ATG3: variants seen among roughly 807,000 people sequenced by gnomAD.
ATG3 encodes the protein ubiquitin-like-conjugating enzyme ATG3.
ATG3 carries 25 observed loss-of-function variants against 50.7 expected under a neutral mutation model. The ratio of observed to expected loss-of-function variants is 0.49; its 90% CI spans 0.36 to 0.69. The LOEUF is 0.69. Ranked by LOEUF, ATG3 falls within the 30% of genes least tolerant of loss-of-function variation. ATG3 has a pLI of 0.00. For synonymous variants in ATG3, 119 were observed against 125.5 expected (o/e 0.95, Z 0.34); for missense variants, 281 against 376.0 (o/e 0.75, Z 2.09).
intron 8 of ATG3, 112 bp from the exon 9 acceptor site, chr3:112,538,002 T>C: frequency 7.9e-7 from 1 of 1,269,442 alleles, no homozygotes; most frequent in Admixed American, 2.7e-5. Context: ...GTAAATGAAC[T>C]TGGAACTCAA....
chr3:112,537,937 A>G (rs937324273), intron 8 of ATG3, 47 bp from the exon 9 acceptor site: 18 of 1,500,574 alleles, frequency 1.2e-5, no homozygotes, highest in Non-Finnish European at 1.6e-5. Flanking sequence ...AATCGGTATG[A>G]ATGTGACATT....
At chr3:112,536,448 AAT>A (rs1468658797) in intron 10 of ATG3, 25 bp downstream of exon 10, 10 of 1,605,680 alleles carry the variant, frequency 6.2e-6, no homozygotes, top group Non-Finnish European at 8.5e-6. Context: ...CACATCAAAA[AAT>A]ATATTTATCT....
At chr3:112,544,002 T>G in intron 6 of ATG3, 55 bp downstream of exon 6, 13 of 1,327,948 alleles carry the variant, frequency 9.8e-6, no homozygotes, top group Non-Finnish European at 1.4e-5. Context: ...TATAGATAGA[T>G]AGATAGGCAA....
At chr3:112,555,089 T>C (rs1323337847) in intron 2 of ATG3, among the ~76,000 whole-genome samples, 5 of 152,096 alleles carry the variant, frequency 3.3e-5, no homozygotes, top group Non-Finnish European at 2.9e-5. Context: ...TAATTAAAAA[T>C]AAAAAATTCT....
intron 4 of ATG3, among the ~76,000 whole-genome samples, chr3:112,548,972 A>G (rs1933450620): frequency 6.6e-6 from 1 of 152,262 alleles, no homozygotes; most frequent in Non-Finnish European, 1.5e-5. Context: ...AGTCTAATGA[A>G]TAATAATACC....
At chr3:112,551,612 C>G (rs1933531789) in intron 3 of ATG3, among the ~76,000 whole-genome samples, 1 of 152,096 alleles carries the variant, frequency 6.6e-6, no homozygotes, top group Non-Finnish European at 1.5e-5. Flanking sequence ...TGCTATAAAT[C>G]AAATACCTAA....
At chr3:112,548,328 G>GC (rs1302973698) in intron 5 of ATG3, among the ~76,000 whole-genome samples, 2 of 152,148 alleles carry the variant, frequency 1.3e-5, no homozygotes, top group African/African-American at 4.8e-5. Flanking sequence ...TGGTGACAGA[G>GC]CAAGACTCTT....
chr3:112,551,378 C>T (rs5000995), intron 3 of ATG3, among the ~76,000 whole-genome samples: 111,769 of 152,152 alleles, frequency 0.73, 45,762 homozygotes, highest in Non-Finnish European at 0.92. Flanking sequence ...CACTTGTGCA[C>T]GTGAAGGCAT....
At chr3:112,533,814 AAC>A in intron 11 of ATG3, 1 of 986,022 alleles carries the variant, frequency 1.0e-6, no homozygotes, top group Non-Finnish European at 1.2e-6. Flanking sequence ...GAGAAAAATG[AAC>A]GTACTATATT....
At chr3:112,532,982 G>T in intron 11 of ATG3, 1 of 1,203,802 alleles carries the variant, frequency 8.3e-7, no homozygotes, top group Non-Finnish European at 1.0e-6. Flanking sequence ...CCACTCATTC[G>T]ATTATTGAAT....
chr3:112,536,757 TAAG>T, intron 9 of ATG3, 155 bp from the exon 10 acceptor site: 1 of 660,324 alleles, frequency 1.5e-6, no homozygotes, highest in South Asian at 2.2e-5. Context: ...CCGTCTCTAC[TAAG>T]AATATAAAAA....
chr3:112,539,074 A>G (rs1251783369), intron 7 of ATG3, among the ~76,000 whole-genome samples: 1 of 152,086 alleles, frequency 6.6e-6, no homozygotes, highest in Non-Finnish European at 1.5e-5. Flanking sequence ...CCAGCATTCT[A>G]CTGTTTCTCA....
At chr3:112,544,571 T>G (rs991534933) in intron 5 of ATG3, among the ~76,000 whole-genome samples, 2 of 142,122 alleles carry the variant, frequency 1.4e-5, no homozygotes, top group Non-Finnish European at 3.0e-5. Flanking sequence ...GGAGAATCGC[T>G]TGGACCCGGA....
At chr3:112,547,178 T>C (rs1472043012) in intron 5 of ATG3, among the ~76,000 whole-genome samples, 2 of 152,216 alleles carry the variant, frequency 1.3e-5, no homozygotes, top group Non-Finnish European at 2.9e-5. Flanking sequence ...AACTGAGGGA[T>C]GCTACTGGTA....
At chr3:112,534,462 T>C in intron 10 of ATG3, 125 bp from the exon 11 acceptor site, 2 of 557,906 alleles carry the variant, frequency 3.6e-6, no homozygotes, top group Admixed American at 4.0e-5. Flanking sequence ...AATAGTTATA[T>C]TATAAACTAT....
chr3:112,555,930 C>A (rs1001739584), intron 2 of ATG3, among the ~76,000 whole-genome samples: 20 of 152,096 alleles, frequency 1.3e-4, no homozygotes, highest in Admixed American at 2.6e-4. Context: ...ATCCAATGAC[C>A]ACAGACTTTG....
At chr3:112,536,357 T>C (rs1373858996) in intron 10 of ATG3, 118 bp downstream of exon 10, 2 of 1,251,258 alleles carry the variant, frequency 1.6e-6, no homozygotes, top group African/African-American at 3.1e-5. Flanking sequence ...GAGAGAATTT[T>C]ACTTTTTAGT....
At chr3:112,533,557 A>G (rs2082571114) in intron 11 of ATG3, 1 of 985,230 alleles carries the variant, frequency 1.0e-6, no homozygotes. Flanking sequence ...TAGTCTCCAC[A>G]TCTAATCTAA....
intron 5 of ATG3, among the ~76,000 whole-genome samples, 189 bp downstream of exon 5, chr3:112,548,344 A>T (rs1933427653): frequency 6.6e-6 from 1 of 152,164 alleles, no homozygotes; most frequent in Non-Finnish European, 1.5e-5. Context: ...CTCTTGTCTC[A>T]AAAAAAGAAA....
Sources: allele counts gnomAD v4.1 joint callset (sites outside exome capture counted in the v4.1 genomes callset), GRCh38; gene constraint gnomAD v4.1.1; transcripts MANE v1.5; gene names NCBI Gene and HGNC (gene_info 2026-07-23, HGNC 2026-07-21).